Variants in SGCZ observed in about 807,000 individuals in gnomAD.
The protein encoded by SGCZ is sarcoglycan zeta, also known as zeta-sarcoglycan.
In SGCZ, 40 loss-of-function variants were observed where a neutral mutation model predicts 41.3. The ratio of observed to expected loss-of-function variants is 0.97; its 90% confidence interval spans 0.75 to 1.26. The LOEUF (loss-of-function observed/expected upper bound fraction) is 1.26. Among genes scored for constraint, SGCZ ranks in the 50% most tolerant of loss-of-function variants. The pLI is 0.00. For missense variants in SGCZ, 552 were observed against 369.8 expected, an observed-to-expected ratio of 1.49 and a Z score of -4.04; for synonymous variants, 206 against 137.5, an observed-to-expected ratio of 1.50 and a Z score of -3.49.
At chr8:14,754,697 C>T (rs182702510) in intron 1 of SGCZ, among the ~76,000 whole-genome samples, 1 of 152,004 alleles carries the variant, frequency 6.6e-6, no homozygotes, top group African/African-American at 2.4e-5. Context: ...TAATATGGTG[C>T]ATCTCTCAAT....
intron 1 of SGCZ, among the ~76,000 whole-genome samples, chr8:15,072,069 A>G (rs533002821): frequency 6.6e-6 from 1 of 152,078 alleles, no homozygotes; most frequent in Non-Finnish European, 1.5e-5. Flanking sequence ...TTCATAACCC[A>G]TTCAAAGTCT....
intron 1 of SGCZ, among the ~76,000 whole-genome samples, chr8:14,567,095 C>A (rs1418137422): frequency 6.6e-6 from 1 of 152,204 alleles, no homozygotes. Context: ...GGCTCGGGAC[C>A]TGCAGCCCGC....
chr8:15,008,079 T>C (rs1247843041), intron 1 of SGCZ, among the ~76,000 whole-genome samples: 2 of 152,208 alleles, frequency 1.3e-5, no homozygotes, highest in Non-Finnish European at 2.9e-5. Flanking sequence ...AAAAAACTAC[T>C]GTAAAAGATC....
intron 1 of SGCZ, among the ~76,000 whole-genome samples, chr8:14,758,245 T>C (rs1799750866): frequency 1.3e-5 from 2 of 152,224 alleles, no homozygotes; most frequent in Admixed American, 6.5e-5. Context: ...CAAGATCTTC[T>C]ATTAAGTTCT....
chr8:14,622,363 T>C (rs1806314309), intron 1 of SGCZ, among the ~76,000 whole-genome samples: 1 of 152,144 alleles, frequency 6.6e-6, no homozygotes, highest in Non-Finnish European at 1.5e-5. Context: ...TATGTTCTTA[T>C]TTGTTTCTTT....
At chr8:14,124,841 T>C (rs961911418) in intron 5 of SGCZ, among the ~76,000 whole-genome samples, 13 of 152,196 alleles carry the variant, frequency 8.5e-5, no homozygotes, top group African/African-American at 2.2e-4. Context: ...TAGAAATTTC[T>C]ATTAAGAACC....
intron 1 of SGCZ, among the ~76,000 whole-genome samples, chr8:14,890,581 T>C (rs1205750507): frequency 1.3e-5 from 2 of 152,172 alleles, no homozygotes; most frequent in Admixed American, 1.3e-4. Flanking sequence ...ACCATCCCCA[T>C]AACCTGAAAG....
At chr8:14,698,250 G>C (rs1298282227) in intron 1 of SGCZ, among the ~76,000 whole-genome samples, 1 of 151,800 alleles carries the variant, frequency 6.6e-6, no homozygotes, top group Non-Finnish European at 1.5e-5. Context: ...TATTATTGGA[G>C]ACTCTCAACA....
chr8:14,211,271 C>G (rs1805797652), intron 4 of SGCZ, among the ~76,000 whole-genome samples: 1 of 152,116 alleles, frequency 6.6e-6, no homozygotes, highest in African/African-American at 2.4e-5. Flanking sequence ...ATCCCAGTGT[C>G]CGGGTACTGC....
intron 1 of SGCZ, among the ~76,000 whole-genome samples, chr8:14,822,229 T>C (rs1802123217): frequency 6.6e-6 from 1 of 152,010 alleles, no homozygotes; most frequent in South Asian, 2.1e-4. Context: ...ACAAAACAAT[T>C]TCATTTCTGA....
At chr8:14,349,929 G>C (rs1803026365) in intron 2 of SGCZ, among the ~76,000 whole-genome samples, 1 of 152,036 alleles carries the variant, frequency 6.6e-6, no homozygotes, top group South Asian at 2.1e-4. Flanking sequence ...AAGTCGTGTA[G>C]CTTTAAAAAA....
chr8:15,154,171 G>C (rs1285852680), intron 1 of SGCZ, among the ~76,000 whole-genome samples: 1 of 152,160 alleles, frequency 6.6e-6, no homozygotes, highest in African/African-American at 2.4e-5. Flanking sequence ...AAATTATCCA[G>C]TATCTGGTTT....
intron 2 of SGCZ, among the ~76,000 whole-genome samples, chr8:14,342,795 T>C (rs1037640285): frequency 1.3e-5 from 2 of 152,334 alleles, no homozygotes; most frequent in Admixed American, 6.5e-5. Context: ...GAAATTTGCA[T>C]AAGTAGCAAG....
At chr8:14,510,137 A>C (rs1802426152) in intron 2 of SGCZ, among the ~76,000 whole-genome samples, 2 of 152,216 alleles carry the variant, frequency 1.3e-5, no homozygotes, top group African/African-American at 4.8e-5. Flanking sequence ...TTTCCTCTGC[A>C]ACACTCAGAA....
chr8:14,292,273 T>G (rs1314198222), intron 3 of SGCZ, among the ~76,000 whole-genome samples: 3 of 152,002 alleles, frequency 2.0e-5, no homozygotes, highest in African/African-American at 7.2e-5. Context: ...TGATGGAGAT[T>G]TGCATAAACT....
At chr8:14,772,633 G>T (rs1800281326) in intron 1 of SGCZ, among the ~76,000 whole-genome samples, 1 of 134,278 alleles carries the variant, frequency 7.4e-6, no homozygotes, top group African/African-American at 2.9e-5. Flanking sequence ...CTGGGTCCAT[G>T]TGTTCTCACT....
intron 1 of SGCZ, among the ~76,000 whole-genome samples, chr8:14,917,308 G>C (rs1386121894): frequency 3.2e-5 from 1 of 30,988 alleles, no homozygotes; most frequent in East Asian, 5.0e-3. Flanking sequence ...GCCTATTTAA[G>C]CAAGAGATTT....
chr8:14,237,511 C>T lies in SGCZ; in HGVS notation c.424+81G>A, dbSNP rs910659353. 9 of 1,266,552 alleles carry T rather than the reference C, an allele frequency of 7.1e-6. No homozygotes were observed. In the African/African-American group the frequency reaches 8.9e-5, roughly 13 times the overall value. 78.5% of individuals were successfully genotyped at this position (1,266,552 alleles called of 1,614,324 possible). A position where few individuals can be genotyped will look rare whatever the true frequency, so the allele number is the denominator to read the frequency against. ...ACAACAACAACAACAACAACAACGA[C>T]AACAACAAGAACCAAAAACCAAAAA... On this transcript the variant is annotated intron_variant, in intron 4 of 7. Transcript: ENST00000382080.
intron 1 of SGCZ, among the ~76,000 whole-genome samples, chr8:14,649,095 G>T (rs941334665): frequency 6.6e-6 from 1 of 152,056 alleles, no homozygotes; most frequent in African/African-American, 2.4e-5. Flanking sequence ...TTTCAAAAGC[G>T]TCTTCTCTAA....
Sources: gnomAD v4.1 joint callset for allele counts (sites outside exome capture counted in the v4.1 genomes callset) on GRCh38, gnomAD v4.1.1 for gene constraint, MANE v1.5 for transcripts, NCBI Gene and HGNC (gene_info 2026-07-23, HGNC 2026-07-21) for gene names.